POLE: variants seen among roughly 807,000 people sequenced by gnomAD.
The protein encoded by POLE is DNA polymerase epsilon catalytic subunit A.
A neutral mutation model predicts 279.2 loss-of-function variants in POLE; 188 were observed. The observed-to-expected ratio is 0.67, with a 90% CI of 0.60 to 0.76. The LOEUF (loss-of-function observed/expected upper bound fraction) is 0.76, where lower values mean the gene tolerates loss of function less well. Among genes scored for constraint, POLE ranks in the 30% least tolerant of loss-of-function variants. The pLI, the probability that POLE is intolerant of heterozygous loss-of-function variation, is 0.00. For synonymous variants in POLE, 1,214 were observed against 1,172.5 expected, an observed-to-expected ratio of 1.04 and a Z score of -0.72; for missense variants, 2,703 against 3,016.7, an observed-to-expected ratio of 0.90 and a Z score of 2.44.
intron 16 of POLE, among the ~76,000 whole-genome samples, chr12:132,669,991 C>T (rs535641367): frequency 6.6e-5 from 10 of 152,306 alleles, no homozygotes; most frequent in African/African-American, 2.4e-4. Flanking sequence ...CTCTTCCTCA[C>T]TCACCAGGGA....
Position 132,626,113 on chromosome 12 carries a change from G to A in POLE, c.6531+4C>T, listed in dbSNP as rs772586175. On this transcript the variant is annotated splice_donor_region_variant and intron_variant, in intron 46 of 48. Transcript: ENST00000320574. ...GTGAAGGGCCCGCTGGAGCTCAGCC[G>A]CACCTCTGAGAAGGAAGAGTCTTTA... The A allele has an allele frequency of 1.8e-5, 28 of 1,589,258 alleles. No homozygotes were observed. Among genetic ancestry groups the A allele is most frequent in the African/African-American group, 5.4e-5 (4 of 74,160 alleles).
At chr12:132,682,291 C>CAAAAAAAAAAAAAAAA (rs759276322) in intron 1 of POLE, among the ~76,000 whole-genome samples, 1 of 120,474 alleles carries the variant, frequency 8.3e-6, no homozygotes, top group African/African-American at 3.4e-5. Context: ...GAGACTCCGG[C>CAAAAAAAAAAAAAAAA]AAAAAAAAAA....
At chr12:132,676,005 G>A in intron 10 of POLE, 89 bp downstream of exon 10, 2 of 986,834 alleles carry the variant, frequency 2.0e-6, no homozygotes, top group South Asian at 2.9e-5. Flanking sequence ...CTGCAATTCT[G>A]ATCTGACGGA....
chr12:132,637,111 C>CT (rs2042050234), intron 41 of POLE, among the ~76,000 whole-genome samples: 1 of 152,228 alleles, frequency 6.6e-6, no homozygotes, highest in South Asian at 2.1e-4. Context: ...CAAGGCTCAT[C>CT]TTGGATAGAC....
chr12:132,679,468 G>A (rs745876316), intron 6 of POLE, 29 bp downstream of exon 6: 9 of 1,587,894 alleles, frequency 5.7e-6, no homozygotes, highest in Non-Finnish European at 7.8e-6. Flanking sequence ...CTGAACCGCT[G>A]ATGCTTTGCT....
chr12:132,673,030 G>A (rs1190146506), intron 14 of POLE, 134 bp downstream of exon 14: 12 of 764,042 alleles, frequency 1.6e-5, no homozygotes, highest in African/African-American at 3.5e-5. Flanking sequence ...CATCCCTGAC[G>A]TCACACACCA....
chr12:132,667,743 T>A (rs559017130), intron 19 of POLE, 95 bp from the exon 20 acceptor site: 1 of 1,336,274 alleles, frequency 7.5e-7, no homozygotes, highest in Non-Finnish European at 1.1e-6. Context: ...GGCTTCTACG[T>A]CACCACAAAG....
chr12:132,671,730 AC>A (rs1278761777), intron 16 of POLE, among the ~76,000 whole-genome samples: 1 of 150,690 alleles, frequency 6.6e-6, no homozygotes, highest in Non-Finnish European at 1.5e-5. Flanking sequence ...GTCCTGAGGA[AC>A]AGGGATCAGA....
At chr12:132,629,665 G>C (rs1001029309) in intron 45 of POLE, among the ~76,000 whole-genome samples, 2 of 152,206 alleles carry the variant, frequency 1.3e-5, no homozygotes, top group African/African-American at 4.8e-5. Flanking sequence ...GGCTTGAGGG[G>C]ATGTTATATC....
rs778829972 is a variant in POLE, at chr12:132,641,820, G to A, written c.5205C>T (p.Ala1735=). Residue 1735 remains alanine, a synonymous_variant, in exon 39 of 49, where the codon GCC becomes GCT. Coordinates refer to ENST00000320574, the MANE Select transcript of POLE (RefSeq NM_006231.4). ...VCVELDLQNL[A]VNTILQSHHV... ...GGTGAGACTGGAGAATGGTGTTGACGGCCAGGTTCTGAAGGTCCAGCTCCA... is the reference window on the plus strand; with the variant it reads ...GGTGAGACTGGAGAATGGTGTTGACAGCCAGGTTCTGAAGGTCCAGCTCCA... The A allele has an allele frequency of 1.1e-5, 18 of 1,601,930 alleles. No homozygotes were observed. The highest frequency in any genetic ancestry group is 3.3e-5 in the Admixed American group (2 of 59,976).
rs746091772 is a variant in POLE, at chr12:132,635,805, C to T, written c.5811+87G>A. 109 of 1,441,844 alleles carry T rather than the reference C, an allele frequency of 7.6e-5. 1 individual carries two copies. The highest frequency in any genetic ancestry group is 1.3e-4 in the Admixed American group (6 of 46,856). The allele number at this position is 1,441,844 out of a possible 1,614,324, so 89.3% of individuals were successfully genotyped here. On this transcript the variant is annotated intron_variant, in intron 42 of 48. Transcript: ENST00000320574. ...AGTGTCTGCTGCTCACGGCCAGGCC[C>T]GCCGGGGCCCTGAGCACTCAGCACT...
Position 132,643,698 on chromosome 12 carries a change from C to A in POLE, c.4291-138G>T, listed in dbSNP as rs566303873. 3.6e-5 allele frequency: 52 copies of A among 1,452,296 alleles called. No homozygotes were observed. The African/African-American group carries it at 6.4e-4, about 18-fold the overall frequency. 90.0% of individuals were successfully genotyped at this position (1,452,296 alleles called of 1,614,324 possible). ...CCAAAGGCCACTTTTGGCAGACACA[C>A]TGCTGACATTCACCTCACCTGTGGG... is the stretch of plus-strand genomic sequence containing the variant. On this transcript the variant is annotated intron_variant, in intron 33 of 48. Coordinates refer to ENST00000320574, the MANE Select transcript of POLE (RefSeq NM_006231.4).
Position 132,624,976 on chromosome 12 carries a change from C to G in POLE, c.6676G>C (p.Gly2226Arg). 1.2e-6 allele frequency: 2 copies of G among 1,613,892 alleles called. No individual in the cohort carries two copies. The highest frequency in any genetic ancestry group is 1.7e-6 in the Non-Finnish European group (2 of 1,179,948). Residue 2226 changes from glycine to arginine, a missense_variant, in exon 48 of 49, where the codon GGG (glycine) becomes CGG (arginine). This residue lies in a region of POLE where 1,551 missense variants were observed against 1,686.1 expected (regional missense o/e 0.92). Transcript: ENST00000320574. Reference sequence around the variant, plus strand: ...ACAGGCATGCTGGTCTCCTTCACCCCGCGGCACTTCAGGCAGACCTGAAAG... The same window carrying G: ...ACAGGCATGCTGGTCTCCTTCACCCGGCGGCACTTCAGGCAGACCTGAAAG... ...LQDLVCLKCR[G>R]VKETSMPVYC...
At chr12:132,686,351 G>C (rs960716297) in intron 1 of POLE, among the ~76,000 whole-genome samples, 1 of 151,928 alleles carries the variant, frequency 6.6e-6, no homozygotes, top group Non-Finnish European at 1.5e-5. Flanking sequence ...TTGACCTGCC[G>C]GGCTCAGGTG....
Position 132,672,763 on chromosome 12 carries a change from G to A in POLE, c.1550C>T (p.Pro517Leu), listed in dbSNP as rs780556141. 1.6e-5 allele frequency: 26 copies of A among 1,614,054 alleles called. No homozygotes were observed. Among genetic ancestry groups the A allele is most frequent in the Non-Finnish European group, 2.1e-5 (25 of 1,180,038 alleles). ...VQAFHANIIF[P>L]NKQEQEFNKL... ...ATTGAACTCCTGCTCTTGCTTGTTG[G>A]GGAAGATGATGTTGGCGTGGAAGGC... The change falls in exon 15 of 49, where the codon CCC (proline) becomes CTC (leucine). Residue 517 changes from proline (P) to leucine (L), a missense_variant. Around this residue, in one of 5 missense-constraint regions of POLE, gnomAD observed 1,011 missense variants for 1,111.7 expected, o/e 0.91. Transcript: ENST00000320574.
At position 132,634,292 on chromosome 12, in the gene POLE, C is replaced by CTGT; in HGVS notation, c.5897_5898insACA (p.Glu1966_Ala1967insGln). 1.2e-6 allele frequency: 2 copies of CTGT among 1,614,206 alleles called. No homozygotes were observed. The highest frequency in any genetic ancestry group is 1.7e-6 in the Non-Finnish European group (2 of 1,180,018). ...AATCCTCCACGTTGGATTCCTCCGC[C>CTGT]TCTTCCTCCTCCTCCCCATCTCTTT... On this transcript the variant is annotated inframe_insertion, in exon 43 of 49. Coordinates refer to ENST00000320574, the MANE Select transcript of POLE (RefSeq NM_006231.4). This position sits in a 1 kb window ranked among gnomAD's most constrained non-coding sequence, Gnocchi z 4.0.
Position 132,643,873 on chromosome 12 carries a change from C to A in POLE, c.4254G>T (p.Leu1418=). ...ATACGCCCTCGATGTCTGGCGCTGA[C>A]AGCTCAGCGTTGATCTCGTTGATGT... ...QEHINEINAE[L]SAPDIEGVYE... The change falls in exon 33 of 49, where the codon CTG becomes CTT. Residue 1418 remains leucine (L), a synonymous_variant. Coordinates refer to ENST00000320574, the MANE Select transcript of POLE (RefSeq NM_006231.4). 1 of 1,614,174 alleles carries A rather than the reference C, an allele frequency of 6.2e-7. No individual in the cohort carries two copies. The highest frequency in any genetic ancestry group is 2.2e-5 in the East Asian group (1 of 44,892).
At chr12:132,654,157 G>T (rs2042482467) in intron 29 of POLE, among the ~76,000 whole-genome samples, 1 of 151,250 alleles carries the variant, frequency 6.6e-6, no homozygotes, top group Non-Finnish European at 1.5e-5. Flanking sequence ...TACCAAATGA[G>T]CTAAGGGTTT....
At chr12:132,638,206 A>G (rs2138503423) in intron 40 of POLE, 67 bp from the exon 41 acceptor site, 3 of 1,519,632 alleles carry the variant, frequency 2.0e-6, no homozygotes, top group East Asian at 2.3e-5. Flanking sequence ...GGCACCCAGA[A>G]AATCCAAGAG....
Sources: gnomAD v4.1 joint callset for allele counts (sites outside exome capture counted in the v4.1 genomes callset) on GRCh38, gnomAD v4.1.1 for gene constraint, gnomAD v4.1.1 regional missense constraint, Gnocchi (gnomAD v3.1) non-coding constraint, MANE v1.5 for transcripts, NCBI Gene and HGNC (gene_info 2026-07-23, HGNC 2026-07-21) for gene names.